The following DNM2 variants were observed in gnomAD, a reference collection of about 807,000 sequenced individuals.
The protein encoded by DNM2 is dynamin-2.
Under a neutral mutation model 99.0 loss-of-function variants are expected in DNM2, and 15 were observed. The ratio of observed to expected loss-of-function variants is 0.15; its 90% confidence interval spans 0.10 to 0.23. The LOEUF is 0.23. DNM2 is among the 10% of genes least tolerant of loss of function. DNM2 has a pLI of 1.00. For synonymous variants in DNM2, 525 were observed against 481.2 expected (o/e 1.09, Z -1.19); for missense variants, 742 against 1,189.4 (o/e 0.62, Z 5.53).
chr19:10,813,817 C>T (rs2072636646), intron 15 of DNM2, among the ~76,000 whole-genome samples: 1 of 131,862 alleles, frequency 7.6e-6, no homozygotes, highest in Non-Finnish European at 1.6e-5. Flanking sequence ...CAGAGCAAGA[C>T]ACTGTCTCAA....
rs193016425 is a variant in DNM2 at position 10,821,348 on chromosome 19, G to T, written c.1781+1259G>T. ...TTTAAGAGCAGGTTCAGGAAACCCA[G>T]AGTAGTAGCTGCAAAAACAAGATAA... is the stretch of plus-strand genomic sequence containing the variant. On this transcript the variant is annotated intron_variant, in intron 16 of 20. Transcript: ENST00000389253. 3.3e-5 allele frequency among the ~76,000 whole-genome samples: 5 copies of T among 152,278 alleles called. No individual in the cohort carries two copies. The East Asian group carries it at 9.6e-4, about 29-fold the overall frequency.
At position 10,811,656 on chromosome 19, in the gene DNM2, C is replaced by T. The variant is rs1047730395; in HGVS notation, c.1558-608C>T. 1.4e-5 allele frequency: 7 copies of T among 504,232 alleles called. 1 individual carries two copies. The highest frequency in any genetic ancestry group is 5.8e-5 in the African/African-American group (3 of 51,592). The allele number at this position is 504,232 out of a possible 1,614,324, so 31.2% of individuals were successfully genotyped here. A position where few individuals can be genotyped will look rare whatever the true frequency, so the allele number is the denominator to read the frequency against. Reference sequence around the variant, plus strand: ...GGAGCACAGCCCCCAGGCTGCCTGCCGTTAGTTGTCAGGTGAGTCCCTGCG... The same window carrying T: ...GGAGCACAGCCCCCAGGCTGCCTGCTGTTAGTTGTCAGGTGAGTCCCTGCG... On this transcript the variant is annotated intron_variant, in intron 14 of 20. Transcript: ENST00000389253. The surrounding 1 kb of genome is among the most constrained non-coding windows in gnomAD (Gnocchi z 5.4).
At chr19:10,754,084 T>C (rs2070299553) in intron 1 of DNM2, among the ~76,000 whole-genome samples, 2 of 152,174 alleles carry the variant, frequency 1.3e-5, no homozygotes, top group Middle Eastern at 3.2e-3. Flanking sequence ...TTAAAATTCT[T>C]TGAGATCTGA....
At chr19:10,799,182 G>A (rs919136176) in intron 11 of DNM2, among the ~76,000 whole-genome samples, 1 of 152,132 alleles carries the variant, frequency 6.6e-6, no homozygotes, top group Admixed American at 6.5e-5. Context: ...AGTTATGGTC[G>A]TGCCATCGCC....
Position 10,811,418 on chromosome 19 carries a change from G to A in DNM2, c.1558-846G>A. On this transcript the variant is annotated intron_variant, in intron 14 of 20. Coordinates refer to ENST00000389253, the MANE Select transcript of DNM2 (RefSeq NM_001005361.3). This position sits in a 1 kb window ranked among gnomAD's most constrained non-coding sequence, Gnocchi z 5.4. ...TGGCGCTCCTGCCGTGCCGTGCCCT[G>A]CCATGCCCTGCACTGGGGGATGCAG... is the stretch of plus-strand genomic sequence containing the variant. The A allele has an allele frequency of 3.2e-6, 1 of 313,594 alleles. No homozygotes were observed. Among genetic ancestry groups the A allele is most frequent in the South Asian group, 2.5e-5 (1 of 39,224 alleles). The allele number at this position is 313,594 out of a possible 1,614,324, so 19.4% of individuals were successfully genotyped here. A position where few individuals can be genotyped will look rare whatever the true frequency, so the allele number is the denominator to read the frequency against.
chr19:10,824,909 G>T, intron 17 of DNM2, 148 bp from the exon 18 acceptor site: 1 of 1,300,880 alleles, frequency 7.7e-7, no homozygotes, highest in East Asian at 2.3e-5. Flanking sequence ...TCTGGCCCAG[G>T]GCAAGCAGGC....
intron 12 of DNM2, among the ~76,000 whole-genome samples, chr19:10,803,949 G>C (rs932076286): frequency 6.6e-6 from 1 of 152,198 alleles, no homozygotes; most frequent in Non-Finnish European, 1.5e-5. Flanking sequence ...TAGACTATGG[G>C]AAAGGGGAGC....
At chr19:10,789,033 C>T (rs1431773479) in intron 7 of DNM2, among the ~76,000 whole-genome samples, 2 of 152,286 alleles carry the variant, frequency 1.3e-5, no homozygotes, top group Admixed American at 6.5e-5. Context: ...CCTTTGCAGG[C>T]TTCAGGAGGA....
intron 12 of DNM2, chr19:10,803,683 C>CT (rs1274110003): frequency 1.0e-6 from 1 of 986,288 alleles, no homozygotes; most frequent in East Asian, 1.1e-4. Flanking sequence ...GTATTGCCTG[C>CT]TGTGTGCCTT....
rs568950383 is a variant in DNM2, at chr19:10,766,093, G to A, written c.235+6282G>A. Among the ~76,000 whole-genome samples the A allele has an allele frequency of 5.1e-4, 78 of 152,242 alleles. No homozygotes were observed. The Middle Eastern group carries it at 0.01, about 20-fold the overall frequency. On this transcript the variant is annotated intron_variant, in intron 2 of 20. Coordinates refer to ENST00000389253, the MANE Select transcript of DNM2 (RefSeq NM_001005361.3). ...GGGTAGGAACCCGGAGCTGGGTGTC[G>A]CTAGGCTGTGAAACCACGAGGCACC...
chr19:10,779,180 A>T (rs1025484668), intron 5 of DNM2, among the ~76,000 whole-genome samples: 1 of 149,188 alleles, frequency 6.7e-6, no homozygotes, highest in Non-Finnish European at 1.5e-5. Flanking sequence ...GCGCCACTTC[A>T]CTCCAGCCTG....
intron 15 of DNM2, among the ~76,000 whole-genome samples, chr19:10,815,988 C>G (rs1279689732): frequency 6.6e-6 from 1 of 152,112 alleles, no homozygotes; most frequent in African/African-American, 2.4e-5. Context: ...TAAGAGAGCC[C>G]ACTGAGGCCA....
rs1409427934 is a variant in DNM2 at position 10,830,464 on chromosome 19, C to T, written c.2543+86C>T. ...CTCACTTCCTCCCAGTGAGCTCTCA[C>T]TACGTGCCCAGCTGCTGGAGTGGAG... is the stretch of plus-strand genomic sequence containing the variant. On this transcript the variant is annotated intron_variant, in intron 20 of 20. Coordinates refer to ENST00000389253, the MANE Select transcript of DNM2 (RefSeq NM_001005361.3). The surrounding 1 kb of genome is among the most constrained non-coding windows in gnomAD (Gnocchi z 4.8). The T allele has an allele frequency of 5.5e-6, 8 of 1,447,948 alleles. No homozygotes were observed. In the Admixed American group the frequency reaches 1.1e-4, roughly 20 times the overall value. The allele number at this position is 1,447,948 out of a possible 1,614,324, so 89.7% of individuals were successfully genotyped here. A position where few individuals can be genotyped will look rare whatever the true frequency, so the allele number is the denominator to read the frequency against.
At chr19:10,723,132 A>ATTTT (rs1203412676) in intron 1 of DNM2, among the ~76,000 whole-genome samples, 2 of 113,926 alleles carry the variant, frequency 1.8e-5, no homozygotes, top group Admixed American at 9.2e-5. Flanking sequence ...CACCTGGCTA[A>ATTTT]TTTTTTTTTT....
At chr19:10,825,033 C>G in intron 17 of DNM2, 24 bp from the exon 18 acceptor site, 2 of 1,613,714 alleles carry the variant, frequency 1.2e-6, no homozygotes, top group East Asian at 4.5e-5. Context: ...AGTCACCCCT[C>G]AGCACCTCCC....
intron 1 of DNM2, among the ~76,000 whole-genome samples, chr19:10,741,874 T>A (rs2069764633): frequency 6.6e-6 from 1 of 151,940 alleles, no homozygotes; most frequent in South Asian, 2.1e-4. Context: ...TTCTGTGCTT[T>A]TTCCTTCCTC....
At chr19:10,733,625 A>C (rs190483063) in intron 1 of DNM2, among the ~76,000 whole-genome samples, 37 of 152,298 alleles carry the variant, frequency 2.4e-4, no homozygotes, top group Admixed American at 5.9e-4. Context: ...CAAGAAATTA[A>C]CCTAGCTACT....
chr19:10,725,396 A>C (rs1350652331), intron 1 of DNM2, among the ~76,000 whole-genome samples: 1 of 151,198 alleles, frequency 6.6e-6, no homozygotes, highest in Non-Finnish European at 1.5e-5. Flanking sequence ...CAGTAAGCGG[A>C]GATCACGCCA....
chr19:10,733,302 C>G (rs1381921484), intron 1 of DNM2, among the ~76,000 whole-genome samples: 1 of 151,592 alleles, frequency 6.6e-6, no homozygotes, highest in Non-Finnish European at 1.5e-5. Flanking sequence ...AACCATTCTC[C>G]CACCACAGCC....
Sources: gnomAD v4.1 joint callset for allele counts (sites outside exome capture counted in the v4.1 genomes callset) on GRCh38, gnomAD v4.1.1 for gene constraint, Gnocchi (gnomAD v3.1) non-coding constraint, MANE v1.5 for transcripts, NCBI Gene and HGNC (gene_info 2026-07-23, HGNC 2026-07-21) for gene names.